The following DGKD variants were observed in gnomAD, a reference collection of about 807,000 sequenced individuals.
DGKD encodes diacylglycerol kinase delta.
A neutral mutation model predicts 154.4 loss-of-function variants in DGKD; 68 were observed. The ratio of observed to expected loss-of-function variants is 0.44; its 90% CI spans 0.36 to 0.54. DGKD has a LOEUF of 0.54. Among genes scored for constraint, DGKD ranks in the 20% least tolerant of loss-of-function variants. The pLI is 0.00. For missense variants in DGKD, 1,343 were observed against 1,593.6 expected (o/e 0.84, Z 2.68); for synonymous variants, 693 against 638.0 (o/e 1.09, Z -1.30).
At chr2:233,358,099 A>G (rs1701611348) in intron 1 of DGKD, among the ~76,000 whole-genome samples, 1 of 152,250 alleles carries the variant, frequency 6.6e-6, no homozygotes, top group African/African-American at 2.4e-5. Context: ...CACAGCAAAG[A>G]CATTACTTCA....
At chr2:233,451,661 G>C (rs2124881454) in intron 17 of DGKD, among the ~76,000 whole-genome samples, 1 of 151,508 alleles carries the variant, frequency 6.6e-6, no homozygotes, top group South Asian at 2.1e-4. Context: ...TGACCTCCTG[G>C]ACTCAAGTGA....
chr2:233,403,646 C>A (rs890649700), intron 3 of DGKD, among the ~76,000 whole-genome samples: 1 of 145,004 alleles, frequency 6.9e-6, no homozygotes, highest in African/African-American at 2.5e-5. Context: ...TCTCTTCAGA[C>A]TTTTTTTTTT....
intron 3 of DGKD, among the ~76,000 whole-genome samples, chr2:233,425,539 G>A (rs1397711274): frequency 6.6e-6 from 1 of 152,126 alleles, no homozygotes; most frequent in Non-Finnish European, 1.5e-5. Context: ...CATGCAAGTG[G>A]TACAGAAATC....
Position 233,440,379 on chromosome 2 carries a change from C to T in DGKD, c.1086-1508C>T, listed in dbSNP as rs1376359278. On this transcript the variant is annotated intron_variant, in intron 9 of 29. Coordinates refer to ENST00000264057, the MANE Select transcript of DGKD (RefSeq NM_152879.3). This position sits in a 1 kb window ranked among gnomAD's most constrained non-coding sequence, Gnocchi z 4.9. ...CTCATTCTGGGTCAGACACTGAGCT[C>T]GAGGCAGGGTGCGCAGGTGAGCCAG... is the stretch of plus-strand genomic sequence containing the variant. Among the ~76,000 whole-genome samples, 1 of 152,152 alleles carries T rather than the reference C, an allele frequency of 6.6e-6. No homozygotes were observed. Among genetic ancestry groups the T allele is most frequent in the Non-Finnish European group, 1.5e-5 (1 of 68,022 alleles).
At chr2:233,414,621 C>G (rs1029834526) in intron 3 of DGKD, among the ~76,000 whole-genome samples, 46 of 152,172 alleles carry the variant, frequency 3.0e-4, no homozygotes, top group African/African-American at 1.1e-3. Context: ...TCTCAGGTAT[C>G]GTGGTCCTGG....
In DGKD at chr2:233,354,750, C is replaced by T. The variant is rs1164632415; in HGVS notation, c.156+76C>T. ...CCCCGGCCGAGGCCCGTGGCCCTGC[C>T]CGAGCGGCCGCCCAGGCCCGGCTCG... On this transcript the variant is annotated intron_variant, in intron 1 of 29. Transcript: ENST00000264057. This position sits in a 1 kb window ranked among gnomAD's most constrained non-coding sequence, Gnocchi z 4.8. 1.1e-6 allele frequency: 1 copy of T among 892,130 alleles called. No individual in the cohort carries two copies. The highest frequency in any genetic ancestry group is 5.8e-4 in the Middle Eastern group (1 of 1,728). The allele number at this position is 892,130 out of a possible 1,614,324, so 55.3% of individuals were successfully genotyped here. A position where few individuals can be genotyped will look rare whatever the true frequency, so the allele number is the denominator to read the frequency against.
chr2:233,405,872 G>T (rs138842008), intron 3 of DGKD, among the ~76,000 whole-genome samples: 15 of 152,338 alleles, frequency 9.8e-5, no homozygotes, highest in African/African-American at 3.1e-4. Flanking sequence ...TATATTTAAT[G>T]CTGGTAGAAT....
intron 1 of DGKD, among the ~76,000 whole-genome samples, chr2:233,376,342 T>G (rs1052311827): frequency 1.3e-5 from 2 of 152,256 alleles, no homozygotes; most frequent in African/African-American, 2.4e-5. Flanking sequence ...CAGACAGATC[T>G]GGGTCTGAAG....
At chr2:233,368,506 C>T (rs1335113901) in intron 1 of DGKD, among the ~76,000 whole-genome samples, 1 of 152,078 alleles carries the variant, frequency 6.6e-6, no homozygotes, top group South Asian at 2.1e-4. Context: ...AGCGAGACTC[C>T]ATCAAAAAAG....
chr2:233,370,546 A>G (rs1574987998), intron 1 of DGKD, among the ~76,000 whole-genome samples: 1 of 137,618 alleles, frequency 7.3e-6, no homozygotes, highest in Non-Finnish European at 1.6e-5. Context: ...AGGCTTATTT[A>G]CGTTGTACGT....
At chr2:233,425,171 G>A (rs1238287302) in intron 3 of DGKD, among the ~76,000 whole-genome samples, 1 of 151,186 alleles carries the variant, frequency 6.6e-6, no homozygotes, top group East Asian at 1.9e-4. Context: ...ACATATAAAC[G>A]TAAGACTTTA....
intron 3 of DGKD, among the ~76,000 whole-genome samples, chr2:233,414,657 T>C (rs922963994): frequency 1.3e-5 from 2 of 152,246 alleles, no homozygotes; most frequent in African/African-American, 4.8e-5. Flanking sequence ...ACCTTGTCTC[T>C]GCGGTCCTGT....
At chr2:233,453,168 C>T (rs760912901) in intron 18 of DGKD, among the ~76,000 whole-genome samples, 1 of 152,194 alleles carries the variant, frequency 6.6e-6, no homozygotes, top group Non-Finnish European at 1.5e-5. Context: ...GTGGTCTCAT[C>T]TCTTCTTTTC....
chr2:233,386,439 T>C (rs1703182542), intron 1 of DGKD, among the ~76,000 whole-genome samples: 1 of 152,036 alleles, frequency 6.6e-6, no homozygotes, highest in Non-Finnish European at 1.5e-5. Flanking sequence ...GTTTATATCC[T>C]CGCTACCAGA....
intron 3 of DGKD, among the ~76,000 whole-genome samples, chr2:233,431,839 C>A (rs759631160): frequency 1.3e-5 from 2 of 152,202 alleles, no homozygotes; most frequent in Non-Finnish European, 2.9e-5. Context: ...GGATTAAAGA[C>A]TTTAAGACCT....
intron 6 of DGKD, among the ~76,000 whole-genome samples, 153 bp downstream of exon 6, chr2:233,436,077 C>T (rs984151526): frequency 2.0e-5 from 3 of 152,192 alleles, no homozygotes; most frequent in East Asian, 1.9e-4. Flanking sequence ...ATGCGGTCTC[C>T]GTGTGGTTGT....
rs149975125 is a variant in DGKD at position 233,464,152 on chromosome 2, C to T, written c.3187-12C>T. ...CTCTCCATTTCTCTCTCCCTCCCTCCGCCTGGAGCAGCAGCTGGATCCGCC... is the reference window on the plus strand; with the variant it reads ...CTCTCCATTTCTCTCTCCCTCCCTCTGCCTGGAGCAGCAGCTGGATCCGCC... On this transcript the variant is annotated splice_polypyrimidine_tract_variant and intron_variant, in intron 26 of 29. Transcript: ENST00000264057. The T allele has an allele frequency of 1.6e-4, 253 of 1,613,308 alleles. 2 individuals are homozygous for T. The highest frequency in any genetic ancestry group is 3.3e-4 in the Middle Eastern group (2 of 6,062).
rs2064001993 is a variant in DGKD, at chr2:233,471,151, G to C, written c.*1691G>C. The C allele has an allele frequency of 6.6e-6, 1 of 152,344 alleles. No individual in the cohort carries two copies. Among genetic ancestry groups the C allele is most frequent in the South Asian group, 2.1e-4 (1 of 4,830 alleles). 9.4% of individuals were successfully genotyped at this position (152,344 alleles called of 1,614,324 possible). A position where few individuals can be genotyped will look rare whatever the true frequency, so the allele number is the denominator to read the frequency against. ...TTCTGGCCCGAGGCCCTTAGAGTATGGAGGCTGAGCCAGGCCTTGGGTTTC... is the reference window on the plus strand; with the variant it reads ...TTCTGGCCCGAGGCCCTTAGAGTATCGAGGCTGAGCCAGGCCTTGGGTTTC... On this transcript the variant is annotated 3_prime_UTR_variant, in exon 30 of 30. Coordinates refer to ENST00000264057, the MANE Select transcript of DGKD (RefSeq NM_152879.3).
In DGKD at chr2:233,388,510, T is replaced by G. The variant is rs838719; in HGVS notation, c.267+143T>G. The G allele has an allele frequency of 1.2e-5, 8 of 663,818 alleles. No individual in the cohort carries two copies. In the Admixed American group the frequency reaches 2.5e-4, roughly 21 times the overall value. 41.1% of individuals were successfully genotyped at this position (663,818 alleles called of 1,614,324 possible). A position where few individuals can be genotyped will look rare whatever the true frequency, so the allele number is the denominator to read the frequency against. ...CAGTGAGTTTTGTAACACTCCACGCTGTCAGGTTTTACTTGTCTCAAGGCA... is the reference window on the plus strand; with the variant it reads ...CAGTGAGTTTTGTAACACTCCACGCGGTCAGGTTTTACTTGTCTCAAGGCA... On this transcript the variant is annotated intron_variant, in intron 2 of 29. Transcript: ENST00000264057.
Sources: gnomAD v4.1 joint callset for allele counts (sites outside exome capture counted in the v4.1 genomes callset) on GRCh38, gnomAD v4.1.1 for gene constraint, Gnocchi (gnomAD v3.1) non-coding constraint, MANE v1.5 for transcripts, NCBI Gene and HGNC (gene_info 2026-07-23, HGNC 2026-07-21) for gene names.